Variants in TASP1 observed in about 807,000 individuals in gnomAD.
The protein encoded by TASP1 is taspase 1.
TASP1 carries 16 observed loss-of-function variants against 56.6 expected under a neutral mutation model. The observed-to-expected ratio is 0.28, with a 90% CI of 0.19 to 0.43. The LOEUF (loss-of-function observed/expected upper bound fraction) is 0.43, where lower values mean the gene tolerates loss of function less well. Ranked by LOEUF, TASP1 falls within the 20% of genes least tolerant of loss-of-function variation. The pLI, the probability that TASP1 is intolerant of heterozygous loss-of-function variation, is 1.00. For missense variants in TASP1, 393 were observed against 511.6 expected (o/e 0.77, Z 2.24); for synonymous variants, 179 against 184.2 (o/e 0.97, Z 0.23).
intron 10 of TASP1, among the ~76,000 whole-genome samples, chr20:13,520,499 C>A (rs542542678): frequency 1.3e-5 from 2 of 152,106 alleles, no homozygotes; most frequent in Non-Finnish European, 2.9e-5. Flanking sequence ...CTTTGACAAA[C>A]CTGACAAAAA....
At chr20:13,173,665 G>A in the TASP1 span, among the ~76,000 whole-genome samples, 7 of 152,178 alleles carry the variant, frequency 4.6e-5, no homozygotes, top group African/African-American at 1.7e-4. Flanking sequence ...TGAAAACAGA[G>A]GTGATAGGTT....
At chr20:13,179,021 A>T in the TASP1 span, among the ~76,000 whole-genome samples, 1 of 152,158 alleles carries the variant, frequency 6.6e-6, no homozygotes, top group Non-Finnish European at 1.5e-5. Context: ...TCCAAACATC[A>T]CTATGTACCC....
At chr20:13,271,365 A>C in the TASP1 span, among the ~76,000 whole-genome samples, 1 of 152,240 alleles carries the variant, frequency 6.6e-6, no homozygotes, top group African/African-American at 2.4e-5. Flanking sequence ...CTGATGAAGC[A>C]GTGGGAAATG....
the TASP1 span, among the ~76,000 whole-genome samples, chr20:13,118,573 C>T: frequency 1.3e-5 from 2 of 151,666 alleles, no homozygotes; most frequent in East Asian, 3.9e-4. Context: ...GTTATCTGAA[C>T]AATGAGAGGA....
intron 13 of TASP1, chr20:13,393,126 T>C: frequency 3.1e-6 from 2 of 647,274 alleles, no homozygotes; most frequent in East Asian, 3.3e-5. Context: ...CAATGCCTCC[T>C]GTACCACCAA....
chr20:13,368,331 A>G, the TASP1 span: 1 of 152,176 alleles, frequency 6.6e-6, no homozygotes, highest in Non-Finnish European at 1.5e-5. Flanking sequence ...AGCATCTATA[A>G]TTTTCTGAGC....
chr20:13,362,166 C>A, the TASP1 span, among the ~76,000 whole-genome samples: 1 of 150,334 alleles, frequency 6.7e-6, no homozygotes, highest in South Asian at 2.1e-4. Flanking sequence ...CACCACCCCC[C>A]AAAAATTTTC....
chr20:13,249,559 G>A, the TASP1 span, among the ~76,000 whole-genome samples: 1 of 152,122 alleles, frequency 6.6e-6, no homozygotes, highest in African/African-American at 2.4e-5. Context: ...GAAAATAAAC[G>A]AGCTTTCATT....
In TASP1 at chr20:13,627,976, T is replaced by C. The variant is rs565532937; in HGVS notation, c.145+1958A>G. Among the ~76,000 whole-genome samples the C allele has an allele frequency of 7.2e-5, 11 of 152,324 alleles. No individual in the cohort carries two copies. The South Asian group carries it at 1.9e-3, about 26-fold the overall frequency. ...AATCAAATTGCTGTAACTTATGCAC[T>C]GGTCTCCTACGGAAAATGTTACCAT... On this transcript the variant is annotated intron_variant, in intron 2 of 13. Transcript: ENST00000337743.
At chr20:13,158,823 C>T in the TASP1 span, among the ~76,000 whole-genome samples, 1 of 152,204 alleles carries the variant, frequency 6.6e-6, no homozygotes, top group South Asian at 2.1e-4. Flanking sequence ...AGGCAGACTG[C>T]TCAACAGCAA....
intron 12 of TASP1, among the ~76,000 whole-genome samples, chr20:13,433,462 C>T (rs546179801): frequency 6.9e-6 from 1 of 144,724 alleles, no homozygotes; most frequent in African/African-American, 2.6e-5. Context: ...TGTTAAAAAG[C>T]ACATCTCCTT....
Position 13,625,172 on chromosome 20 carries a change from A to T in TASP1, c.213+13T>A. On this transcript the variant is annotated intron_variant, in intron 3 of 13. Coordinates refer to ENST00000337743, the MANE Select transcript of TASP1 (RefSeq NM_017714.3). ...AAACTGCAATGCACAGATCATACAC[A>T]TTGTGTTCATACCTTCTGACAAGCT... The T allele has an allele frequency of 6.3e-7, 1 of 1,595,406 alleles. No individual in the cohort carries two copies. Among genetic ancestry groups the T allele is most frequent in the Non-Finnish European group, 8.5e-7 (1 of 1,171,862 alleles).
At chr20:13,452,523 C>T (rs759156770) in intron 11 of TASP1, among the ~76,000 whole-genome samples, 1 of 151,298 alleles carries the variant, frequency 6.6e-6, no homozygotes, top group African/African-American at 2.4e-5. Context: ...TTTATATATA[C>T]AAATTCATAT....
At chr20:13,437,915 A>G (rs73610473) in intron 11 of TASP1, among the ~76,000 whole-genome samples, 1 of 152,178 alleles carries the variant, frequency 6.6e-6, no homozygotes, top group Non-Finnish European at 1.5e-5. Context: ...AATCAATATC[A>G]TGAAAATGGC....
intron 8 of TASP1, among the ~76,000 whole-genome samples, chr20:13,541,002 T>C (rs1355578399): frequency 6.6e-6 from 1 of 152,054 alleles, no homozygotes; most frequent in Non-Finnish European, 1.5e-5. Flanking sequence ...TTAATACACA[T>C]TTGGTTGTAA....
chr20:13,281,783 T>C, the TASP1 span, among the ~76,000 whole-genome samples: 1 of 152,184 alleles, frequency 6.6e-6, no homozygotes, highest in African/African-American at 2.4e-5. Context: ...CAGCCTGAGA[T>C]TGCACAGCGT....
At chr20:13,174,749 G>A in the TASP1 span, among the ~76,000 whole-genome samples, 931 of 151,266 alleles carry the variant, frequency 6.2e-3, 1 homozygote, top group Middle Eastern at 0.041. Context: ...CTTTCATTAC[G>A]TCTCAAATTT....
intron 1 of TASP1, among the ~76,000 whole-genome samples, chr20:13,633,200 T>C (rs1002445377): frequency 1.9e-4 from 29 of 152,168 alleles, no homozygotes; most frequent in African/African-American, 7.0e-4. Flanking sequence ...TCAAACATAT[T>C]TGCTAAGTAA....
At chr20:13,314,765 AAC>A in the TASP1 span, among the ~76,000 whole-genome samples, 71 of 152,268 alleles carry the variant, frequency 4.7e-4, no homozygotes, top group Admixed American at 9.8e-4. Flanking sequence ...TCTAACAGAT[AAC>A]AGTGTGTTCA....
Sources: gnomAD v4.1 joint callset for allele counts (sites outside exome capture counted in the v4.1 genomes callset) on GRCh38, gnomAD v4.1.1 for gene constraint, MANE v1.5 for transcripts, NCBI Gene and HGNC (gene_info 2026-07-23, HGNC 2026-07-21) for gene names.